The following ADIPOR2 variants were observed in gnomAD, a reference collection of about 807,000 sequenced individuals.
ADIPOR2 encodes the protein adiponectin receptor protein 2.
Under a neutral mutation model 40.9 loss-of-function variants are expected in ADIPOR2, and 18 were observed. That is an observed-to-expected ratio of 0.44 (90% CI 0.30 to 0.65). The LOEUF (loss-of-function observed/expected upper bound fraction) is 0.65, where lower values mean the gene tolerates loss of function less well. ADIPOR2 is among the 30% of genes least tolerant of loss of function. The probability of loss-of-function intolerance (pLI) is 0.09; values close to 1 mark genes in which losing one functional copy is unlikely to be tolerated. For synonymous variants in ADIPOR2, 165 were observed against 166.4 expected (o/e 0.99, Z 0.06); for missense variants, 283 against 479.2 (o/e 0.59, Z 3.82).
intron 2 of ADIPOR2, among the ~76,000 whole-genome samples, chr12:1,759,943 T>C (rs994895879): frequency 9.2e-5 from 14 of 151,974 alleles, no homozygotes; most frequent in African/African-American, 3.1e-4. Flanking sequence ...GGAGAATCGC[T>C]TGAACCCAGG....
intron 7 of ADIPOR2, among the ~76,000 whole-genome samples, chr12:1,784,597 A>G (rs1368912114): frequency 6.6e-6 from 1 of 152,210 alleles, no homozygotes; most frequent in Non-Finnish European, 1.5e-5. Context: ...GTCTTTTTTT[A>G]TACCGAAATT....
rs537386719 is a variant in ADIPOR2, at chr12:1,761,490, G to T, written c.171+6976G>T. Among the ~76,000 whole-genome samples, 11 of 152,220 alleles carry T rather than the reference G, an allele frequency of 7.2e-5. No homozygotes were observed. The East Asian group carries it at 2.1e-3, about 29-fold the overall frequency. On this transcript the variant is annotated intron_variant, in intron 2 of 7. Coordinates refer to ENST00000357103, the MANE Select transcript of ADIPOR2 (RefSeq NM_024551.3). ...TTTATATTCCCACCAACAATGTGTG[G>T]GGGTTCCACTTTCTCCACACCCACA...
At chr12:1,701,928 C>G (rs1436232903) in intron 1 of ADIPOR2, among the ~76,000 whole-genome samples, 4 of 152,102 alleles carry the variant, frequency 2.6e-5, no homozygotes, top group African/African-American at 7.2e-5. Context: ...TTGAGACCAG[C>G]CTGACCAACA....
chr12:1,774,572 T>C (rs956350083), intron 3 of ADIPOR2, among the ~76,000 whole-genome samples: 19 of 152,258 alleles, frequency 1.2e-4, no homozygotes, highest in Admixed American at 2.6e-4. Flanking sequence ...TGAAATGTGC[T>C]GTGGATAATT....
At chr12:1,785,404 A>G (rs138406272) in intron 7 of ADIPOR2, among the ~76,000 whole-genome samples, 9 of 151,970 alleles carry the variant, frequency 5.9e-5, no homozygotes, top group Admixed American at 5.9e-4. Context: ...ACTGAAGGAA[A>G]CTCTGGGGAC....
chr12:1,764,229 T>G (rs1237916467), intron 2 of ADIPOR2, among the ~76,000 whole-genome samples: 1 of 152,166 alleles, frequency 6.6e-6, no homozygotes, highest in African/African-American at 2.4e-5. Flanking sequence ...GACACTATAT[T>G]AATACTTTTT....
At chr12:1,704,027 T>TTG (rs1445555686) in intron 1 of ADIPOR2, among the ~76,000 whole-genome samples, 1 of 148,792 alleles carries the variant, frequency 6.7e-6, no homozygotes, top group Admixed American at 6.8e-5. Context: ...TTTTTTTTTT[T>TTG]TTTTTTTGGG....
chr12:1,783,450 G>C (rs904806485), intron 6 of ADIPOR2, among the ~76,000 whole-genome samples: 3 of 150,276 alleles, frequency 2.0e-5, no homozygotes, highest in African/African-American at 7.3e-5. Flanking sequence ...CCCAAGCTGG[G>C]GTGCAATGGC....
chr12:1,691,340 C>G (rs1040146408), intron 1 of ADIPOR2, 149 bp downstream of exon 1: 3 of 152,424 alleles, frequency 2.0e-5, no homozygotes, highest in East Asian at 3.9e-4. Context: ...CGGCCCGGCC[C>G]GCAACTTGAT....
chr12:1,749,940 A>C (rs969329035), intron 1 of ADIPOR2, among the ~76,000 whole-genome samples: 1 of 149,620 alleles, frequency 6.7e-6, no homozygotes, highest in African/African-American at 2.5e-5. Flanking sequence ...GGACTCAAGC[A>C]GTTCTCTCAC....
chr12:1,739,838 C>T (rs1022603457), intron 1 of ADIPOR2, among the ~76,000 whole-genome samples: 1 of 152,192 alleles, frequency 6.6e-6, no homozygotes, highest in Non-Finnish European at 1.5e-5. Context: ...CAGTGGCTCA[C>T]GCCAGTAATC....
chr12:1,768,329 A>G (rs1044926329), intron 2 of ADIPOR2, among the ~76,000 whole-genome samples: 2 of 152,126 alleles, frequency 1.3e-5, no homozygotes, highest in South Asian at 2.1e-4. Context: ...TTTTCTCAAC[A>G]TGGCACTTTT....
intron 1 of ADIPOR2, among the ~76,000 whole-genome samples, chr12:1,709,429 G>A (rs1201460575): frequency 6.6e-6 from 1 of 152,096 alleles, no homozygotes; most frequent in East Asian, 1.9e-4. Flanking sequence ...TTGATTGGTG[G>A]TCTGTCTAGC....
intron 2 of ADIPOR2, chr12:1,757,783 G>T: frequency 1.0e-6 from 1 of 967,562 alleles, no homozygotes; most frequent in Non-Finnish European, 1.7e-6. Flanking sequence ...GGTTATATGA[G>T]TTCGGACCTT....
At chr12:1,728,572 A>C (rs1279881150) in intron 1 of ADIPOR2, among the ~76,000 whole-genome samples, 1 of 151,778 alleles carries the variant, frequency 6.6e-6, no homozygotes, top group Non-Finnish European at 1.5e-5. Context: ...AAGATACAAA[A>C]AATTAGCCGG....
intron 1 of ADIPOR2, among the ~76,000 whole-genome samples, chr12:1,723,454 G>A (rs1317607330): frequency 1.8e-5 from 2 of 114,034 alleles, no homozygotes; most frequent in Non-Finnish European, 3.5e-5. Flanking sequence ...GTGAAACCCC[G>A]TCTCTACTGA....
chr12:1,784,219 A>G (rs1430898465), intron 7 of ADIPOR2, 146 bp downstream of exon 7: 6 of 867,382 alleles, frequency 6.9e-6, no homozygotes, highest in African/African-American at 1.7e-5. Flanking sequence ...TTCTCTGGAC[A>G]ATAAGTACAA....
At chr12:1,744,937 A>G (rs2094751706) in intron 1 of ADIPOR2, among the ~76,000 whole-genome samples, 1 of 152,214 alleles carries the variant, frequency 6.6e-6, no homozygotes, top group Non-Finnish European at 1.5e-5. Context: ...CAGTATGTGC[A>G]GTCTTTTTTT....
chr12:1,722,923 C>T (rs2094700643), intron 1 of ADIPOR2, among the ~76,000 whole-genome samples: 2 of 152,118 alleles, frequency 1.3e-5, no homozygotes, highest in South Asian at 4.1e-4. Context: ...CCAAAATGCT[C>T]CTTAAACTTT....
Sources: gnomAD v4.1 joint callset for allele counts (sites outside exome capture counted in the v4.1 genomes callset) on GRCh38, gnomAD v4.1.1 for gene constraint, MANE v1.5 for transcripts, NCBI Gene and HGNC (gene_info 2026-07-23, HGNC 2026-07-21) for gene names.